CCNB1IP1: variants seen among roughly 807,000 people sequenced by gnomAD.
The protein encoded by CCNB1IP1 is E3 ubiquitin-protein ligase CCNB1IP1.
Under a neutral mutation model 25.6 loss-of-function variants are expected in CCNB1IP1, and 14 were observed. That is an observed-to-expected ratio of 0.55 (90% CI 0.36 to 0.85). CCNB1IP1 has a LOEUF of 0.85. Ranked by LOEUF, CCNB1IP1 falls within the 40% of genes least tolerant of loss-of-function variation. CCNB1IP1 has a pLI of 0.01. For missense variants in CCNB1IP1, 278 were observed against 342.4 expected (o/e 0.81, Z 1.48); for synonymous variants, 119 against 116.1 (o/e 1.02, Z -0.16).
chr14:20,321,286 C>A (rs1245283272), intron 4 of CCNB1IP1, among the ~76,000 whole-genome samples: 2 of 152,100 alleles, frequency 1.3e-5, no homozygotes, highest in Non-Finnish European at 2.9e-5. Context: ...TATTTTGATA[C>A]CTTGTTTTTA....
intron 1 of CCNB1IP1, among the ~76,000 whole-genome samples, chr14:20,332,008 A>ATAT (rs1341438638): frequency 4.6e-5 from 3 of 65,928 alleles, no homozygotes; most frequent in African/African-American, 2.3e-4. Context: ...GTGTATACAT[A>ATAT]TATATATATA....
At chr14:20,319,736 C>G (rs759513262) in intron 4 of CCNB1IP1, among the ~76,000 whole-genome samples, 23 of 152,292 alleles carry the variant, frequency 1.5e-4, no homozygotes, top group Middle Eastern at 3.4e-3. Flanking sequence ...CTTGAGTCCA[C>G]GTGCCAAAAA....
intron 1 of CCNB1IP1, chr14:20,330,887 C>G (rs913794427): frequency 3.3e-5 from 5 of 152,186 alleles, no homozygotes; most frequent in Admixed American, 6.5e-5. Flanking sequence ...GCCATATTGT[C>G]CTTCAAGCAA....
At chr14:20,327,128 C>A (rs1474459877) in intron 2 of CCNB1IP1, among the ~76,000 whole-genome samples, 5 of 151,864 alleles carry the variant, frequency 3.3e-5, no homozygotes, top group Non-Finnish European at 7.4e-5. Flanking sequence ...CGAGCAGGAC[C>A]CCTACACAAG....
At chr14:20,326,048 A>G (rs2138869308) in intron 3 of CCNB1IP1, among the ~76,000 whole-genome samples, 1 of 152,356 alleles carries the variant, frequency 6.6e-6, no homozygotes, top group Admixed American at 6.5e-5. Flanking sequence ...AATAAACATA[A>G]AACTGTATCA....
At chr14:20,313,210 T>G (rs945892938) in intron 6 of CCNB1IP1, among the ~76,000 whole-genome samples, 1 of 152,242 alleles carries the variant, frequency 6.6e-6, no homozygotes, top group East Asian at 1.9e-4. Flanking sequence ...ACATAGCTTT[T>G]AACTTAATGT....
At position 20,311,528 on chromosome 14, in the gene CCNB1IP1, G is replaced by C; in HGVS notation, c.*22C>G. 6.2e-7 allele frequency: 1 copy of C among 1,602,176 alleles called. No homozygotes were observed. Among genetic ancestry groups the C allele is most frequent in the Non-Finnish European group, 8.5e-7 (1 of 1,170,970 alleles). On this transcript the variant is annotated 3_prime_UTR_variant, in exon 7 of 7. Coordinates refer to ENST00000358932, the MANE Select transcript of CCNB1IP1 (RefSeq NM_021178.5). ...AACCTCCTAAGTAGCTGGGATCACA[G>C]GTGCGTGACACTATGCGTGGCTCAA...
At chr14:20,331,587 G>A (rs1883235296) in intron 1 of CCNB1IP1, among the ~76,000 whole-genome samples, 1 of 151,922 alleles carries the variant, frequency 6.6e-6, no homozygotes, top group Non-Finnish European at 1.5e-5. Flanking sequence ...TTCATTTGAG[G>A]GGGAAATATC....
chr14:20,324,167 T>C (rs970015492), intron 4 of CCNB1IP1, among the ~76,000 whole-genome samples: 2 of 152,052 alleles, frequency 1.3e-5, no homozygotes, highest in Non-Finnish European at 2.9e-5. Flanking sequence ...CAGAAAGATA[T>C]ATGAGCAATA....
intron 3 of CCNB1IP1, chr14:20,326,497 G>A (rs1259292164): frequency 1.9e-6 from 1 of 534,600 alleles, no homozygotes; most frequent in Admixed American, 1.9e-5. Context: ...CTGAAACACG[G>A]ACTTAACATG....
At chr14:20,315,853 G>A (rs1242391554) in intron 5 of CCNB1IP1, 2 of 826,480 alleles carry the variant, frequency 2.4e-6, no homozygotes, top group Admixed American at 2.5e-5. Flanking sequence ...AGACTAGCCT[G>A]GGCAACACAA....
chr14:20,328,269 C>T (rs1049224206), intron 2 of CCNB1IP1, among the ~76,000 whole-genome samples: 1 of 152,166 alleles, frequency 6.6e-6, no homozygotes, highest in Admixed American at 6.5e-5. Flanking sequence ...TTCAATTCAC[C>T]ATGGTACTTC....
chr14:20,312,466 TCAA>T (rs1368946216), intron 6 of CCNB1IP1, among the ~76,000 whole-genome samples: 2 of 151,848 alleles, frequency 1.3e-5, no homozygotes, highest in Non-Finnish European at 2.9e-5. Flanking sequence ...TTCTCCCACC[TCAA>T]TCTCCCAAAG....
At chr14:20,326,581 A>G (rs758194954) in intron 3 of CCNB1IP1, 135 bp downstream of exon 3, 5 of 525,262 alleles carry the variant, frequency 9.5e-6, no homozygotes, top group Non-Finnish European at 2.0e-5. Context: ...TAAACAGGAA[A>G]ATTCTCCTAA....
In CCNB1IP1 at chr14:20,332,022, ATATATTTTTTTTT is replaced by A. The variant is rs1191335432; in HGVS notation, c.-431+1219_-431+1231del. Among the ~76,000 whole-genome samples, 28 of 51,198 alleles carry A rather than the reference ATATATTTTTTTTT, an allele frequency of 5.5e-4. 1 individual carries two copies. The highest frequency in any genetic ancestry group is 2.5e-3 in the African/African-American group (26 of 10,458). 33.6% of individuals were successfully genotyped at this position (51,198 alleles called of 152,430 possible). A position where few individuals can be genotyped will look rare whatever the true frequency, so the allele number is the denominator to read the frequency against. On this transcript the variant is annotated intron_variant, in intron 1 of 6. Transcript: ENST00000358932. ...TGTGTATACATATATATATATATAT[ATATATTTTTTTTT>A]TTTTTTTTTTTTTTTTGAGACAGAG...
chr14:20,313,225 A>G (rs542702573), intron 6 of CCNB1IP1, among the ~76,000 whole-genome samples: 132 of 152,350 alleles, frequency 8.7e-4, no homozygotes, highest in African/African-American at 3.1e-3. Context: ...TAATGTAGCA[A>G]TGTGCAAACT....
chr14:20,312,396 T>G (rs1356014709), intron 6 of CCNB1IP1, among the ~76,000 whole-genome samples: 1 of 151,990 alleles, frequency 6.6e-6, no homozygotes, highest in African/African-American at 2.4e-5. Context: ...CTTTTTTTTT[T>G]GTAGAGACAG....
chr14:20,324,249 C>G (rs1325401967), intron 4 of CCNB1IP1, among the ~76,000 whole-genome samples: 3 of 152,126 alleles, frequency 2.0e-5, no homozygotes, highest in Non-Finnish European at 4.4e-5. Context: ...TGCAGTGGTG[C>G]GATCTCAGCT....
intron 2 of CCNB1IP1, among the ~76,000 whole-genome samples, chr14:20,327,700 T>A (rs2138872648): frequency 6.6e-6 from 1 of 152,178 alleles, no homozygotes; most frequent in Admixed American, 6.6e-5. Flanking sequence ...TATGTTCTTT[T>A]TCATGCAGCA....
Sources: allele counts gnomAD v4.1 joint callset (sites outside exome capture counted in the v4.1 genomes callset), GRCh38; gene constraint gnomAD v4.1.1; transcripts MANE v1.5; gene names NCBI Gene and HGNC (gene_info 2026-07-23, HGNC 2026-07-21).